The following MARCHF1 variants were observed in gnomAD, a reference collection of about 807,000 sequenced individuals.
MARCHF1 encodes membrane associated ring-CH-type finger 1.
In MARCHF1, 40 loss-of-function variants were observed where a neutral mutation model predicts 54.2. The observed-to-expected ratio is 0.74, with a 90% CI of 0.57 to 0.96. MARCHF1 has a LOEUF of 0.96. Ranked by LOEUF, MARCHF1 falls within the 40% of genes least tolerant of loss-of-function variation. The probability of loss-of-function intolerance (pLI) is 0.00; values close to 1 mark genes in which losing one functional copy is unlikely to be tolerated. For missense variants in MARCHF1, 586 were observed against 656.5 expected, an observed-to-expected ratio of 0.89 and a Z score of 1.17; for synonymous variants, 236 against 236.3, an observed-to-expected ratio of 1.00 and a Z score of 0.01.
chr4:164,053,806 A>G (rs1754424402), intron 2 of MARCHF1, among the ~76,000 whole-genome samples: 1 of 152,232 alleles, frequency 6.6e-6, no homozygotes, highest in South Asian at 2.1e-4. Context: ...TAAAGAATTC[A>G]TAATGTCCTG....
At chr4:164,250,400 C>T (rs1253363990) in intron 1 of MARCHF1, among the ~76,000 whole-genome samples, 1 of 151,934 alleles carries the variant, frequency 6.6e-6, no homozygotes, top group African/African-American at 2.4e-5. Context: ...AGAAGATGCT[C>T]TGAATGTGGA....
intron 8 of MARCHF1, among the ~76,000 whole-genome samples, chr4:163,576,115 C>T (rs1740027940): frequency 6.6e-6 from 1 of 151,462 alleles, no homozygotes; most frequent in East Asian, 1.9e-4. Flanking sequence ...TTTCTAGTTT[C>T]TGTAGGTGTG....
chr4:163,930,407 T>C (rs933182034), intron 3 of MARCHF1, among the ~76,000 whole-genome samples: 6 of 151,294 alleles, frequency 4.0e-5, no homozygotes, highest in African/African-American at 1.2e-4. Context: ...GGGGAAGGCA[T>C]GAGGTCCAGG....
chr4:163,612,192 A>G, intron 7 of MARCHF1, 79 bp downstream of exon 7: 1 of 1,181,964 alleles, frequency 8.5e-7, no homozygotes, highest in Non-Finnish European at 1.1e-6. Flanking sequence ...TTTTGAGGGT[A>G]GGTGTCAAAC....
At chr4:164,003,019 A>G (rs1753216139) in intron 2 of MARCHF1, among the ~76,000 whole-genome samples, 1 of 151,952 alleles carries the variant, frequency 6.6e-6, no homozygotes, top group African/African-American at 2.4e-5. Context: ...AAAAAATGTT[A>G]AAGGAAATTA....
chr4:164,216,915 A>T (rs1326378753), intron 1 of MARCHF1, among the ~76,000 whole-genome samples: 1 of 152,216 alleles, frequency 6.6e-6, no homozygotes, highest in Non-Finnish European at 1.5e-5. Context: ...TTTTAAATAC[A>T]TCTGATTACA....
chr4:164,057,461 G>A (rs1754518024), intron 2 of MARCHF1, among the ~76,000 whole-genome samples: 1 of 152,076 alleles, frequency 6.6e-6, no homozygotes, highest in African/African-American at 2.4e-5. Context: ...TTCATGTCTG[G>A]ATATGGTCAC....
chr4:163,861,005 A>G (rs1020900627), intron 3 of MARCHF1, among the ~76,000 whole-genome samples: 2 of 152,240 alleles, frequency 1.3e-5, no homozygotes, highest in African/African-American at 4.8e-5. Flanking sequence ...TATGACACAG[A>G]TAATAGGTCA....
At chr4:163,753,317 C>A (rs1378186684) in intron 4 of MARCHF1, among the ~76,000 whole-genome samples, 2 of 151,694 alleles carry the variant, frequency 1.3e-5, no homozygotes, top group African/African-American at 4.8e-5. Context: ...AAAGACTACT[C>A]CAAATGGTTT....
intron 4 of MARCHF1, among the ~76,000 whole-genome samples, chr4:163,729,544 C>T (rs1259206224): frequency 1.3e-5 from 2 of 152,056 alleles, no homozygotes; most frequent in Non-Finnish European, 2.9e-5. Context: ...TACAAGCCTA[C>T]TCAAAGTTTT....
chr4:164,129,083 G>A (rs1395940827), intron 1 of MARCHF1, among the ~76,000 whole-genome samples: 25 of 152,188 alleles, frequency 1.6e-4, no homozygotes, highest in Admixed American at 1.6e-3. Context: ...AAGATAAACA[G>A]TACAGGTTTT....
At chr4:164,275,022 TATA>T (rs1733842652) in intron 1 of MARCHF1, among the ~76,000 whole-genome samples, 1 of 151,646 alleles carries the variant, frequency 6.6e-6, no homozygotes, top group African/African-American at 2.4e-5. Context: ...TCATAAAAAA[TATA>T]ATAAGAAACA....
chr4:163,933,090 G>A (rs911074689), intron 3 of MARCHF1: 1 of 1,452,052 alleles, frequency 6.9e-7, no homozygotes, highest in Non-Finnish European at 9.4e-7. Context: ...CTGCACGCTG[G>A]CTAAAACGGC....
intron 1 of MARCHF1, among the ~76,000 whole-genome samples, chr4:164,242,146 T>A (rs2111213493): frequency 1.3e-5 from 2 of 151,732 alleles, no homozygotes; most frequent in Non-Finnish European, 2.9e-5. Flanking sequence ...GAGGCCTGCC[T>A]GCCTCTGTAG....
intron 5 of MARCHF1, among the ~76,000 whole-genome samples, chr4:163,639,928 T>TA (rs1421587864): frequency 6.6e-6 from 1 of 152,146 alleles, no homozygotes; most frequent in Non-Finnish European, 1.5e-5. Context: ...TAGGAATTCT[T>TA]ATGGCATGTT....
At chr4:163,586,427 A>T (rs1740416165) in intron 7 of MARCHF1, among the ~76,000 whole-genome samples, 1 of 152,202 alleles carries the variant, frequency 6.6e-6, no homozygotes, top group Admixed American at 6.5e-5. Flanking sequence ...CTCATTATGT[A>T]TGTGCAAATA....
intron 1 of MARCHF1, among the ~76,000 whole-genome samples, chr4:164,147,600 C>T (rs1175561213): frequency 1.4e-5 from 2 of 143,244 alleles, no homozygotes; most frequent in Non-Finnish European, 3.0e-5. Flanking sequence ...CATATTCTCA[C>T]TCATAGGTGG....
chr4:163,820,825 T>C (rs755473269), intron 4 of MARCHF1, among the ~76,000 whole-genome samples: 5 of 152,028 alleles, frequency 3.3e-5, no homozygotes, highest in Non-Finnish European at 7.4e-5. Flanking sequence ...TTCTAGTCCA[T>C]GTTATTATCA....
At chr4:164,121,281 A>T (rs767197693) in intron 1 of MARCHF1, among the ~76,000 whole-genome samples, 7 of 152,058 alleles carry the variant, frequency 4.6e-5, no homozygotes, top group Non-Finnish European at 7.4e-5. Flanking sequence ...AAAATCCAAA[A>T]CCTGAACAGA....
Sources: gnomAD v4.1 joint callset for allele counts (sites outside exome capture counted in the v4.1 genomes callset) on GRCh38, gnomAD v4.1.1 for gene constraint, MANE v1.5 for transcripts, NCBI Gene and HGNC (gene_info 2026-07-23, HGNC 2026-07-21) for gene names.